Variants in FAR2 observed in about 807,000 individuals in gnomAD.
FAR2 encodes the protein fatty acyl-CoA reductase 2, also known as epididymis secretory protein Li 81.
FAR2 carries 19 observed loss-of-function variants against 56.0 expected under a neutral mutation model. That is an observed-to-expected ratio of 0.34 (90% CI 0.24 to 0.50). The LOEUF (loss-of-function observed/expected upper bound fraction) is 0.50. Ranked by LOEUF, FAR2 falls within the 20% of genes least tolerant of loss-of-function variation. The pLI, the probability that FAR2 is intolerant of heterozygous loss-of-function variation, is 0.98. For synonymous variants in FAR2, 219 were observed against 218.8 expected, an observed-to-expected ratio of 1.00 and a Z score of -0.01; for missense variants, 508 against 642.2, an observed-to-expected ratio of 0.79 and a Z score of 2.26.
intron 1 of FAR2, among the ~76,000 whole-genome samples, chr12:29,212,477 A>G (rs1006960285): frequency 5.9e-5 from 9 of 152,132 alleles, no homozygotes; most frequent in African/African-American, 2.2e-4. Context: ...TCAGAATGCT[A>G]TCTTTTATCT....
At chr12:29,193,536 T>G (rs1950119856) in intron 1 of FAR2, among the ~76,000 whole-genome samples, 1 of 152,200 alleles carries the variant, frequency 6.6e-6, no homozygotes, top group Non-Finnish European at 1.5e-5. Context: ...CACTCAGTAA[T>G]ATGCTTTTAA....
intron 1 of FAR2, among the ~76,000 whole-genome samples, chr12:29,215,396 G>C (rs1322143233): frequency 3.9e-5 from 6 of 152,192 alleles, no homozygotes; most frequent in African/African-American, 1.4e-4. Context: ...AGCTTAAGCT[G>C]TATATTGATG....
intron 1 of FAR2, among the ~76,000 whole-genome samples, chr12:29,157,142 A>ATATG (rs1555176833): frequency 1.6e-4 from 22 of 137,788 alleles, no homozygotes; most frequent in African/African-American, 5.2e-4. Context: ...ATATATATAT[A>ATATG]TATGTATCAA....
At chr12:29,178,185 A>C (rs1039528607) in intron 1 of FAR2, among the ~76,000 whole-genome samples, 8 of 9,948 alleles carry the variant, frequency 8.0e-4, no homozygotes, top group African/African-American at 1.2e-3. Flanking sequence ...TATAACAATA[A>C]AAAAAAAAAA....
rs753039850 is a variant in FAR2, at chr12:29,332,595, C to G, written c.1258-5C>G. ...TGGCAATCTATAATCTCTCTTGCCT[C>G]TCAGGTATTCAACTTTGACGTGCGC... On this transcript the variant is annotated splice_polypyrimidine_tract_variant and splice_region_variant and intron_variant, in intron 10 of 11. Coordinates refer to ENST00000536681, the MANE Select transcript of FAR2 (RefSeq NM_001271783.2). 1 of 1,613,546 alleles carries G rather than the reference C, an allele frequency of 6.2e-7. No individual in the cohort carries two copies. The highest frequency in any genetic ancestry group is 8.5e-7 in the Non-Finnish European group (1 of 1,179,630).
At chr12:29,323,575 A>G (rs1222735117) in intron 10 of FAR2, among the ~76,000 whole-genome samples, 1 of 152,132 alleles carries the variant, frequency 6.6e-6, no homozygotes, top group Non-Finnish European at 1.5e-5. Context: ...CAGGCAGCAG[A>G]ATTTACGGTT....
At chr12:29,158,978 G>A (rs931802765) in intron 1 of FAR2, among the ~76,000 whole-genome samples, 7 of 152,082 alleles carry the variant, frequency 4.6e-5, no homozygotes, top group Non-Finnish European at 7.4e-5. Context: ...TATTTACTGA[G>A]TACCTACTAT....
rs148312056 is a variant in FAR2 at position 29,211,517 on chromosome 12, C to A, written c.-38-58895C>A. On this transcript the variant is annotated intron_variant, in intron 1 of 11. Coordinates refer to ENST00000536681, the MANE Select transcript of FAR2 (RefSeq NM_001271783.2). ...TTAGAAAACTATATTCAGAAAAATT[C>A]AGTGCATGTCTAGTAACTGGTTGGC... Among the ~76,000 whole-genome samples, 220 of 152,224 alleles carry A rather than the reference C, an allele frequency of 1.4e-3. 1 individual carries two copies. In the South Asian group the frequency reaches 0.021, roughly 15 times the overall value.
chr12:29,203,861 G>A (rs56024482), intron 1 of FAR2, among the ~76,000 whole-genome samples: 10,629 of 151,738 alleles, frequency 0.07, 504 homozygotes, highest in East Asian at 0.15. Flanking sequence ...TTAGCCGGGC[G>A]TGGTGGCGGG....
chr12:29,326,333 C>G (rs1358175124), intron 10 of FAR2, among the ~76,000 whole-genome samples: 1 of 151,942 alleles, frequency 6.6e-6, no homozygotes, highest in African/African-American at 2.4e-5. Flanking sequence ...ACGAGGAGGA[C>G]CTGGTACCAT....
At chr12:29,313,506 C>A (rs771183383) in intron 8 of FAR2, among the ~76,000 whole-genome samples, 4 of 152,054 alleles carry the variant, frequency 2.6e-5, no homozygotes, top group Non-Finnish European at 5.9e-5. Flanking sequence ...AATATTGGAG[C>A]AATCTATTCC....
intron 1 of FAR2, among the ~76,000 whole-genome samples, chr12:29,184,277 GGTGTAGGCAAGGTAAATT>G (rs1950017911): frequency 6.6e-6 from 1 of 152,044 alleles, no homozygotes; most frequent in Non-Finnish European, 1.5e-5. Context: ...TAAATAAAGA[GGTGTAGGCAAGGTAAATT>G]GTCACTGAAT....
At chr12:29,177,458 G>A (rs1182928054) in intron 1 of FAR2, among the ~76,000 whole-genome samples, 1 of 152,174 alleles carries the variant, frequency 6.6e-6, no homozygotes, top group Non-Finnish European at 1.5e-5. Flanking sequence ...GAAGAATGAT[G>A]TCACTGAGAA....
intron 8 of FAR2, among the ~76,000 whole-genome samples, 167 bp downstream of exon 8, chr12:29,312,117 A>G (rs530522407): frequency 1.3e-5 from 2 of 152,314 alleles, no homozygotes; most frequent in African/African-American, 4.8e-5. Context: ...ACTAGAATGT[A>G]CTGTGGTTAC....
intron 9 of FAR2, among the ~76,000 whole-genome samples, chr12:29,320,033 C>T (rs1189061407): frequency 6.6e-6 from 1 of 152,076 alleles, no homozygotes; most frequent in Non-Finnish European, 1.5e-5. Context: ...GAGACCCCAT[C>T]ACTACAAAAA....
At chr12:29,268,759 G>A (rs1157713954) in intron 1 of FAR2, among the ~76,000 whole-genome samples, 3 of 152,280 alleles carry the variant, frequency 2.0e-5, no homozygotes, top group Admixed American at 6.5e-5. Flanking sequence ...CAGCCAGCTT[G>A]AGAAATAAAG....
At chr12:29,157,403 C>A (rs1949738634) in intron 1 of FAR2, among the ~76,000 whole-genome samples, 1 of 151,968 alleles carries the variant, frequency 6.6e-6, no homozygotes, top group Non-Finnish European at 1.5e-5. Flanking sequence ...GGCATTTTAA[C>A]TTCCCAGGCT....
In FAR2 at chr12:29,257,051, T is replaced by C. The variant is rs967984964; in HGVS notation, c.-38-13361T>C. ...GGGTGCACGGCGCGGGACTGGCAGG[T>C]AGCTCCATCTGTAGACCGAGTGCGG... On this transcript the variant is annotated intron_variant, in intron 1 of 11. Transcript: ENST00000536681. Among the ~76,000 whole-genome samples the C allele has an allele frequency of 5.3e-5, 8 of 152,314 alleles. No homozygotes were observed. In the East Asian group the frequency reaches 1.5e-3, roughly 29 times the overall value.
chr12:29,322,957 G>A (rs555317309), intron 10 of FAR2, among the ~76,000 whole-genome samples: 12 of 152,184 alleles, frequency 7.9e-5, no homozygotes, highest in East Asian at 1.9e-4. Context: ...CCCACTGTCC[G>A]GCACTCCCCA....
Sources: gnomAD v4.1 joint callset for allele counts (sites outside exome capture counted in the v4.1 genomes callset) on GRCh38, gnomAD v4.1.1 for gene constraint, MANE v1.5 for transcripts, NCBI Gene and HGNC (gene_info 2026-07-23, HGNC 2026-07-21) for gene names.